The following PCDHA12 variants were observed in gnomAD, a reference collection of about 807,000 sequenced individuals.
The protein encoded by PCDHA12 is protocadherin alpha-12.
Under a neutral mutation model 60.0 loss-of-function variants are expected in PCDHA12, and 44 were observed. The observed-to-expected ratio is 0.73, with a 90% CI of 0.58 to 0.94. The LOEUF (loss-of-function observed/expected upper bound fraction) is 0.94, where lower values mean the gene tolerates loss of function less well. Ranked by LOEUF, PCDHA12 falls within the 40% of genes least tolerant of loss-of-function variation. PCDHA12 has a pLI of 0.00. For missense variants in PCDHA12, 1,276 were observed against 1,239.7 expected, an observed-to-expected ratio of 1.03 and a Z score of -0.44; for synonymous variants, 569 against 553.0, an observed-to-expected ratio of 1.03 and a Z score of -0.40.
chr5:140,908,754 A>C (rs1403008536), intron 1 of PCDHA12, among the ~76,000 whole-genome samples: 1 of 152,184 alleles, frequency 6.6e-6, no homozygotes, highest in Non-Finnish European at 1.5e-5. Context: ...ACTTGCACAC[A>C]GCCTGGACGT....
intron 3 of PCDHA12, among the ~76,000 whole-genome samples, chr5:141,007,302 G>A (rs1211833053): frequency 6.7e-6 from 1 of 150,298 alleles, no homozygotes; most frequent in Non-Finnish European, 1.5e-5. Context: ...TGTAATCTTA[G>A]CATTTTGGGA....
intron 1 of PCDHA12, among the ~76,000 whole-genome samples, chr5:140,953,973 C>T (rs958351959): frequency 6.6e-5 from 10 of 152,036 alleles, no homozygotes; most frequent in Non-Finnish European, 1.3e-4. Context: ...GTGTGTTGTT[C>T]CCCTTCATAT....
intron 1 of PCDHA12, among the ~76,000 whole-genome samples, chr5:140,903,580 G>T (rs2070406453): frequency 6.6e-6 from 1 of 152,154 alleles, no homozygotes; most frequent in South Asian, 2.1e-4. Context: ...CTGTCTAGCT[G>T]GTGTTGGCCT....
intron 1 of PCDHA12, among the ~76,000 whole-genome samples, chr5:140,891,171 A>T (rs1221936185): frequency 1.3e-5 from 2 of 151,478 alleles, no homozygotes; most frequent in African/African-American, 4.9e-5. Flanking sequence ...TGCTTTTCAG[A>T]TTTTCTGTGT....
At chr5:140,981,284 G>A (rs1554242765) in intron 2 of PCDHA12, among the ~76,000 whole-genome samples, 4 of 152,094 alleles carry the variant, frequency 2.6e-5, no homozygotes, top group Non-Finnish European at 5.9e-5. Context: ...GTTTAAAAGG[G>A]TCCTCTAGTC....
chr5:140,884,384 G>T (rs782701367), intron 1 of PCDHA12: 1 of 1,613,972 alleles, frequency 6.2e-7, no homozygotes. Flanking sequence ...TGCCATCTGC[G>T]CGGTGTCCAG....
At chr5:140,926,632 C>T in intron 1 of PCDHA12, 1 of 432,326 alleles carries the variant, frequency 2.3e-6, no homozygotes, top group Admixed American at 4.2e-5. Flanking sequence ...GCGCTGCGCT[C>T]CTCAACACCC....
In PCDHA12 at chr5:140,875,858, A is replaced by T; in HGVS notation, c.386A>T (p.Asn129Ile). The change falls in exon 1 of 4, where the codon AAC (asparagine) becomes ATC (isoleucine). Residue 129 changes from asparagine (N) to isoleucine (I), a missense_variant. Physicochemically the swap from Asn to Ile is moderately radical, Grantham distance 149 (BLOSUM62 -3). Transcript: ENST00000398631. ...GTGGAGGTGAAGGACATTAACGACA[A>T]CCCGCCGGTGTTCAGAGAAAGGGAA... ...VDVEVKDIND[N>I]PPVFREREQK... 6.2e-7 allele frequency: 1 copy of T among 1,613,908 alleles called. No homozygotes were observed. The highest frequency in any genetic ancestry group is 8.5e-7 in the Non-Finnish European group (1 of 1,179,978).
chr5:140,884,662 G>C lies in PCDHA12; in HGVS notation c.2367+6823G>C, dbSNP rs372022274. On this transcript the variant is annotated intron_variant, in intron 1 of 3. Transcript: ENST00000398631. ...AGGAGGACTCAGAATGCTTGAAAGA[G>C]GTAAGCTTATATTTTAAAAAATTGT... is the stretch of plus-strand genomic sequence containing the variant. 11 of 1,589,820 alleles carry C rather than the reference G, an allele frequency of 6.9e-6. No homozygotes were observed. In the African/African-American group the frequency reaches 9.4e-5, roughly 14 times the overall value.
At chr5:140,979,779 G>C (rs778402540) in intron 2 of PCDHA12, among the ~76,000 whole-genome samples, 1 of 152,186 alleles carries the variant, frequency 6.6e-6, no homozygotes, top group Non-Finnish European at 1.5e-5. Flanking sequence ...AAATGGGAAG[G>C]ACCAAGAAAC....
At chr5:140,897,841 C>G (rs1272606504) in intron 1 of PCDHA12, among the ~76,000 whole-genome samples, 2 of 152,282 alleles carry the variant, frequency 1.3e-5, no homozygotes, top group South Asian at 2.1e-4. Flanking sequence ...CACATCCTCT[C>G]CAGCACCTGT....
chr5:140,943,270 AAAAAAAAG>A (rs1301290983), intron 1 of PCDHA12, among the ~76,000 whole-genome samples: 4 of 150,618 alleles, frequency 2.7e-5, no homozygotes, highest in African/African-American at 4.9e-5. Context: ...AAAAAAAAAA[AAAAAAAAG>A]AAAGAAAGAA....
intron 1 of PCDHA12, chr5:140,966,954 G>T (rs782541612): frequency 6.2e-7 from 1 of 1,601,606 alleles, no homozygotes; most frequent in Non-Finnish European, 8.5e-7. Flanking sequence ...AACGTGGCTC[G>T]CGCGCTGGGG....
chr5:140,963,680 T>G (rs1482854996), intron 1 of PCDHA12, among the ~76,000 whole-genome samples: 1 of 152,238 alleles, frequency 6.6e-6, no homozygotes, highest in African/African-American at 2.4e-5. Context: ...TTAAATGTGT[T>G]TATCCGTGTT....
rs782188760 is a variant in PCDHA12, at chr5:140,877,108, G to A, written c.1636G>A (p.Gly546Ser). 2.5e-5 allele frequency: 41 copies of A among 1,613,540 alleles called. No individual in the cohort carries two copies. Among genetic ancestry groups the A allele is most frequent in the South Asian group, 1.1e-4 (10 of 91,052 alleles). ...GCGCGACGCCGGCGTGCCGCCTCTG[G>A]GCAGCAACGTGACGCTGCAGGTGTT... ...SARDAGVPPL[G>S]SNVTLQVFVL... The change falls in exon 1 of 4, where the codon GGC becomes AGC. Residue 546 changes from glycine to serine, a missense_variant. Transcript: ENST00000398631.
At chr5:140,995,903 G>A (rs1554254885) in intron 3 of PCDHA12, among the ~76,000 whole-genome samples, 2 of 152,206 alleles carry the variant, frequency 1.3e-5, no homozygotes, top group East Asian at 1.9e-4. Flanking sequence ...ATGTATAAAA[G>A]AGGAGAGACC....
intron 3 of PCDHA12, among the ~76,000 whole-genome samples, chr5:141,007,772 G>T (rs1384054820): frequency 6.6e-6 from 1 of 152,122 alleles, no homozygotes; most frequent in Non-Finnish European, 1.5e-5. Context: ...GCCTGGAAAT[G>T]GTACTGCTTT....
intron 3 of PCDHA12, among the ~76,000 whole-genome samples, chr5:140,991,132 TAA>T (rs1345264253): frequency 2.0e-5 from 3 of 152,230 alleles, no homozygotes; most frequent in Non-Finnish European, 4.4e-5. Flanking sequence ...ACACAGCTAG[TAA>T]AAATGTTTTT....
intron 1 of PCDHA12, chr5:140,883,883 G>A (rs1554180418): frequency 1.2e-6 from 2 of 1,613,320 alleles, no homozygotes; most frequent in South Asian, 1.1e-5. Flanking sequence ...GAGCGCGCGC[G>A]ACTCTGGCGT....
Sources: gnomAD v4.1 joint callset for allele counts (sites outside exome capture counted in the v4.1 genomes callset) on GRCh38, gnomAD v4.1.1 for gene constraint, MANE v1.5 for transcripts, NCBI Gene and HGNC (gene_info 2026-07-23, HGNC 2026-07-21) for gene names.